The following DMD variants were observed in gnomAD, a reference collection of about 807,000 sequenced individuals.
DMD encodes mutant dystrophin.
DMD carries 63 observed loss-of-function variants against 330.1 expected under a neutral mutation model. The observed-to-expected ratio is 0.19, with a 90% CI of 0.16 to 0.24. The LOEUF (loss-of-function observed/expected upper bound fraction) is 0.24, where lower values mean the gene tolerates loss of function less well. Among genes scored for constraint, DMD ranks in the 10% least tolerant of loss-of-function variants. The pLI is 1.00. For missense variants in DMD, 3,344 were observed against 2,684.1 expected, an observed-to-expected ratio of 1.25 and a Z score of -5.43; for synonymous variants, 1,223 against 959.8, an observed-to-expected ratio of 1.27 and a Z score of -5.07.
intron 7 of DMD, among the ~76,000 whole-genome samples, chrX:32,785,295 T>C (rs1249273561): frequency 9.1e-6 from 1 of 109,777 alleles, no homozygotes; most frequent in Non-Finnish European, 1.9e-5. Context: ...TATTAATGTA[T>C]TTGGCTTGTG....
At position 32,746,249 on chromosome X, in the gene DMD, T is replaced by C. The variant is rs186735403; in HGVS notation, c.650-46956A>G. Among the ~76,000 whole-genome samples, 134 of 112,357 alleles carry C rather than the reference T, an allele frequency of 1.2e-3. 1 individual carries two copies. The highest frequency in any genetic ancestry group is 4.2e-3 in the African/African-American group (129 of 30,982). ...ATATGTTACTCAAAGACGTTCTATC[T>C]GGAGTCAAGCTTTCATACAAGAATC... is the stretch of plus-strand genomic sequence containing the variant. On this transcript the variant is annotated intron_variant, in intron 7 of 78. Coordinates refer to ENST00000357033, the MANE Select transcript of DMD (RefSeq NM_004006.3).
chrX:31,519,219 A>G (rs1158968312), intron 55 of DMD, among the ~76,000 whole-genome samples: 2 of 112,173 alleles, frequency 1.8e-5, no homozygotes, highest in East Asian at 5.6e-4. Flanking sequence ...ATTTGTCTAT[A>G]TTACATAGAG....
chrX:32,495,234 C>G (rs1009068938), intron 19 of DMD, among the ~76,000 whole-genome samples: 1 of 111,733 alleles, frequency 8.9e-6, no homozygotes, highest in Non-Finnish European at 1.9e-5. Flanking sequence ...TCCTTCTAAA[C>G]TATAAACTCC....
intron 12 of DMD, among the ~76,000 whole-genome samples, chrX:32,606,904 C>A (rs1244052686): frequency 9.2e-6 from 1 of 109,189 alleles, no homozygotes; most frequent in Non-Finnish European, 1.9e-5. Context: ...CTAAATGCAA[C>A]ATGTTCTCGC....
chrX:32,011,897 T>A (rs966538033), intron 44 of DMD, among the ~76,000 whole-genome samples: 60 of 111,921 alleles, frequency 5.4e-4, no homozygotes, highest in Non-Finnish European at 3.8e-4. Flanking sequence ...ATTATTATTG[T>A]TTTTTAACCA....
At chrX:32,877,372 T>C (rs2083458088) in intron 2 of DMD, among the ~76,000 whole-genome samples, 2 of 112,778 alleles carry the variant, frequency 1.8e-5, no homozygotes, top group East Asian at 2.8e-4. Flanking sequence ...GCAGGAATGC[T>C]AACATTTGAA....
chrX:31,182,994 A>G (rs1339737661), intron 67 of DMD, 90 bp from the exon 68 acceptor site: 90 of 790,018 alleles, frequency 1.1e-4, no homozygotes, highest in Non-Finnish European at 1.6e-4. Flanking sequence ...AGTTCGATTA[A>G]TAAGTTAAAC....
At chrX:32,732,754 T>C (rs2067878648) in intron 7 of DMD, among the ~76,000 whole-genome samples, 2 of 110,135 alleles carry the variant, frequency 1.8e-5, no homozygotes, top group Admixed American at 1.9e-4. Context: ...AAAGAGCTCC[T>C]GAAGGAAGCG....
intron 31 of DMD, 59 bp downstream of exon 31, chrX:32,390,012 T>A: frequency 2.2e-6 from 2 of 907,243 alleles, no homozygotes; most frequent in African/African-American, 3.8e-5. Context: ...TTGTCCAATA[T>A]AGACTGGAGT....
intron 2 of DMD, among the ~76,000 whole-genome samples, chrX:32,875,146 A>G (rs1171274478): frequency 8.9e-6 from 1 of 112,415 alleles, no homozygotes; most frequent in Non-Finnish European, 1.9e-5. Context: ...TCCCTCTGGA[A>G]TGGAGGCTCT....
At chrX:31,266,807 T>C in intron 62 of DMD, 1 of 1,201,758 alleles carries the variant, frequency 8.3e-7, no homozygotes, top group Non-Finnish European at 1.1e-6. Context: ...GCGATCCACT[T>C]ACCCTTTGAG....
intron 60 of DMD, among the ~76,000 whole-genome samples, chrX:31,436,996 T>C (rs918278532): frequency 6.3e-5 from 7 of 111,921 alleles, no homozygotes; most frequent in African/African-American, 1.9e-4. Flanking sequence ...GATATTATAG[T>C]TGAAATATTT....
intron 44 of DMD, among the ~76,000 whole-genome samples, chrX:32,112,010 G>A (rs766224902): frequency 9.0e-6 from 1 of 111,599 alleles, no homozygotes; most frequent in African/African-American, 3.3e-5. Flanking sequence ...ATACCTCAAG[G>A]GCATGAATAA....
chrX:33,311,886 A>G (rs1290886313), intron 1 of DMD, among the ~76,000 whole-genome samples: 1 of 111,397 alleles, frequency 9.0e-6, no homozygotes, highest in East Asian at 2.8e-4. Flanking sequence ...ATAAGGAGAT[A>G]CAAAACAGAT....
In DMD at chrX:32,488,351, T is replaced by A. The variant is rs2148611681; in HGVS notation, c.2622+2926A>T. On this transcript the variant is annotated intron_variant, in intron 20 of 78. Transcript: ENST00000357033. Reference sequence around the variant, plus strand: ...TTTTCACAGGAAAGGGTTCATGAATTTTTTCCAATTCTGATAAGGCTCTCT... The same window carrying A: ...TTTTCACAGGAAAGGGTTCATGAATATTTTCCAATTCTGATAAGGCTCTCT... Among the ~76,000 whole-genome samples the A allele has an allele frequency of 1.8e-5, 2 of 111,222 alleles. 1 individual carries two copies. The highest frequency in any genetic ancestry group is 9.3e-3 in the Middle Eastern group (2 of 215).
chrX:32,385,234 G>A (rs771847982), intron 33 of DMD, among the ~76,000 whole-genome samples: 5 of 110,598 alleles, frequency 4.5e-5, no homozygotes, highest in Middle Eastern at 4.6e-3. Flanking sequence ...ACAGAATAGA[G>A]AGCCCAATAA....
chrX:32,447,448 A>G (rs1222064177), intron 27 of DMD, among the ~76,000 whole-genome samples: 1 of 111,314 alleles, frequency 9.0e-6, no homozygotes, highest in Non-Finnish European at 1.9e-5. Flanking sequence ...AGAAACTCGG[A>G]TCACATTTTA....
At chrX:31,899,337 CT>C (rs34334572) in intron 47 of DMD, among the ~76,000 whole-genome samples, 34 of 99,682 alleles carry the variant, frequency 3.4e-4, no homozygotes, top group South Asian at 1.3e-3. Flanking sequence ...GAAGAACAGG[CT>C]TTTTTTTTTT....
intron 50 of DMD, among the ~76,000 whole-genome samples, chrX:31,787,008 C>T (rs983224715): frequency 7.1e-5 from 8 of 112,284 alleles, no homozygotes; most frequent in African/African-American, 9.7e-5. Context: ...GGTCTATTTA[C>T]GTAATAGTTT....
Sources: allele counts gnomAD v4.1 joint callset (sites outside exome capture counted in the v4.1 genomes callset), GRCh38; gene constraint gnomAD v4.1.1; transcripts MANE v1.5; gene names NCBI Gene and HGNC (gene_info 2026-07-23, HGNC 2026-07-21).